The following SLC8A1 variants were observed in gnomAD, a reference collection of about 807,000 sequenced individuals.
The protein encoded by SLC8A1 is sodium/calcium exchanger 1.
Under a neutral mutation model 68.3 loss-of-function variants are expected in SLC8A1, and 18 were observed. The observed-to-expected ratio is 0.26, with a 90% confidence interval of 0.18 to 0.39. The LOEUF is 0.39. SLC8A1 is among the 10% of genes least tolerant of loss of function. SLC8A1 has a pLI of 1.00. For synonymous variants in SLC8A1, 475 were observed against 415.5 expected (o/e 1.14, Z -1.74); for missense variants, 985 against 1,156.7 (o/e 0.85, Z 2.15).
chr2:40,186,894 C>T (rs148543340), intron 2 of SLC8A1, among the ~76,000 whole-genome samples: 23 of 152,206 alleles, frequency 1.5e-4, no homozygotes, highest in Non-Finnish European at 2.2e-4. Flanking sequence ...TAATGAAATT[C>T]GCAGGTTATT....
chr2:40,178,572 G>T, intron 2 of SLC8A1, 79 bp from the exon 3 acceptor site: 1 of 1,202,458 alleles, frequency 8.3e-7, no homozygotes, highest in Non-Finnish European at 1.2e-6. Flanking sequence ...GGAAAGCAAG[G>T]TTAACCAGCT....
chr2:40,159,368 G>T (rs187736935), intron 6 of SLC8A1, among the ~76,000 whole-genome samples: 2 of 152,286 alleles, frequency 1.3e-5, no homozygotes, highest in East Asian at 3.9e-4. Context: ...GCCAGCTTAT[G>T]GTTGTTATAC....
intron 2 of SLC8A1, among the ~76,000 whole-genome samples, chr2:40,291,435 G>C (rs567038774): frequency 6.6e-6 from 1 of 152,052 alleles, no homozygotes; most frequent in Non-Finnish European, 1.5e-5. Context: ...CTCATATTCC[G>C]AAAGTTTCCT....
intron 1 of SLC8A1, among the ~76,000 whole-genome samples, chr2:40,441,469 A>T (rs1201852633): frequency 6.6e-6 from 1 of 152,168 alleles, no homozygotes; most frequent in Non-Finnish European, 1.5e-5. Context: ...ATCCTAAGCA[A>T]AAAGAACAAA....
exon 8 of SLC8A1, chr2:40,097,632 T>C (rs912334190): frequency 1.1e-4 from 16 of 152,000 alleles, no homozygotes; most frequent in Non-Finnish European, 2.4e-4. Context: ...CAGTTTTTGG[T>C]AGTTAGATCA....
At chr2:40,502,302 C>G (rs1706104369) in intron 1 of SLC8A1, among the ~76,000 whole-genome samples, 3 of 152,064 alleles carry the variant, frequency 2.0e-5, no homozygotes, top group Non-Finnish European at 1.5e-5. Context: ...AGCCAGACTT[C>G]CATCTTCCCT....
intron 1 of SLC8A1, among the ~76,000 whole-genome samples, chr2:40,461,279 CACT>C (rs1259767348): frequency 1.3e-5 from 2 of 152,078 alleles, no homozygotes; most frequent in African/African-American, 4.8e-5. Context: ...GATATTTCAC[CACT>C]GAGATGATGA....
chr2:40,263,553 T>A (rs1038916343), intron 2 of SLC8A1, among the ~76,000 whole-genome samples: 1 of 151,888 alleles, frequency 6.6e-6, no homozygotes, highest in African/African-American at 2.4e-5. Context: ...ATGCCACAGA[T>A]CTACAACCAT....
chr2:40,245,115 A>C (rs1228885659), intron 2 of SLC8A1, among the ~76,000 whole-genome samples: 1 of 146,224 alleles, frequency 6.8e-6, no homozygotes, highest in Non-Finnish European at 1.5e-5. Flanking sequence ...GATAGCCATG[A>C]AAATAATCAA....
At chr2:40,125,132 A>G (rs2037789227) in intron 7 of SLC8A1, among the ~76,000 whole-genome samples, 1 of 152,224 alleles carries the variant, frequency 6.6e-6, no homozygotes, top group African/African-American at 2.4e-5. Flanking sequence ...ACATTTAAAT[A>G]GAGTCTCTCT....
intron 6 of SLC8A1, among the ~76,000 whole-genome samples, chr2:40,154,347 A>G (rs979325947): frequency 4.1e-5 from 5 of 121,826 alleles, no homozygotes; most frequent in Admixed American, 3.3e-4. Context: ...TCTGTCACCC[A>G]GGCTGGAGTG....
chr2:40,337,937 G>A (rs577860980), intron 2 of SLC8A1, among the ~76,000 whole-genome samples: 3 of 152,230 alleles, frequency 2.0e-5, no homozygotes, highest in Non-Finnish European at 4.4e-5. Flanking sequence ...GTCATTTTGA[G>A]GTGTGAATAT....
chr2:40,198,579 ATACAGAATGAAACCTG>A (rs2053537125), intron 2 of SLC8A1, among the ~76,000 whole-genome samples: 1 of 152,024 alleles, frequency 6.6e-6, no homozygotes, highest in Admixed American at 6.6e-5. Context: ...CAGAGTATAA[ATACAGAATGAAACCTG>A]CAGTGAGAAA....
chr2:40,287,633 AG>A lies in SLC8A1; in HGVS notation c.1809-109779del, dbSNP rs1351954398. ...GTGTGTGTGTGTGCATGCAGGGACA[AG>A]GGGGCATCTTAGCTCAAGCTTACCA... On this transcript the variant is annotated intron_variant, in intron 2 of 7. Transcript: ENST00000406785. 3.5e-5 allele frequency among the ~76,000 whole-genome samples: 3 copies of A among 86,292 alleles called. No individual in the cohort carries two copies. In the East Asian group the frequency reaches 1.5e-3, roughly 42 times the overall value. 56.6% of individuals were successfully genotyped at this position (86,292 alleles called of 152,430 possible).
chr2:40,342,411 C>T (rs1268380212), intron 2 of SLC8A1, among the ~76,000 whole-genome samples: 2 of 151,954 alleles, frequency 1.3e-5, no homozygotes, highest in East Asian at 3.9e-4. Flanking sequence ...AACAGTGATA[C>T]AGAAATTTTG....
intron 2 of SLC8A1, among the ~76,000 whole-genome samples, chr2:40,391,422 C>T (rs753177454): frequency 2.0e-5 from 3 of 151,888 alleles, no homozygotes; most frequent in Non-Finnish European, 4.4e-5. Flanking sequence ...GCTCTAATCT[C>T]CTATTTGAAG....
At chr2:40,192,965 C>A (rs10176352) in intron 2 of SLC8A1, among the ~76,000 whole-genome samples, 1 of 151,930 alleles carries the variant, frequency 6.6e-6, no homozygotes, top group African/African-American at 2.4e-5. Context: ...AGTAACCATC[C>A]GCCACGGGAT....
At chr2:40,401,495 T>C (rs1688698323) in intron 2 of SLC8A1, among the ~76,000 whole-genome samples, 1 of 149,290 alleles carries the variant, frequency 6.7e-6, no homozygotes, top group Admixed American at 6.8e-5. Context: ...TAAATTTAAC[T>C]TTGTATTCAT....
chr2:40,414,499 G>C (rs1018397956), intron 2 of SLC8A1, among the ~76,000 whole-genome samples: 1 of 152,106 alleles, frequency 6.6e-6, no homozygotes, highest in African/African-American at 2.4e-5. Flanking sequence ...ATGTTTTCAA[G>C]CTTAATTCTG....
Sources: allele counts gnomAD v4.1 joint callset (sites outside exome capture counted in the v4.1 genomes callset), GRCh38; gene constraint gnomAD v4.1.1; transcripts MANE v1.5; gene names NCBI Gene and HGNC (gene_info 2026-07-23, HGNC 2026-07-21).